Variants in USP43 observed in about 807,000 individuals in gnomAD.
USP43 encodes ubiquitin specific peptidase 43, also known as ubiquitin carboxyl-terminal hydrolase 43.
In USP43, 33 loss-of-function variants were observed where a neutral mutation model predicts 90.7. The observed-to-expected ratio is 0.36, with a 90% CI of 0.28 to 0.49. The LOEUF is 0.49. Among genes scored for constraint, USP43 ranks in the 20% least tolerant of loss-of-function variants. The pLI is 0.98. For missense variants in USP43, 1,274 were observed against 1,476.4 expected (o/e 0.86, Z 2.25); for synonymous variants, 598 against 615.8 (o/e 0.97, Z 0.43).
In USP43 at chr17:9,645,907, G is replaced by A; in HGVS notation, c.275G>A (p.Gly92Asp). ...GPQPQLQLPA[G>D]DGARPPGAQG... ...CAGCCCCAGCTCCAGCTCCCCGCCG[G>A]CGATGGGGCGCGGCCGCCGGGCGCT... Residue 92 changes from glycine to aspartate, a missense_variant, in exon 1 of 15, where the codon GGC becomes GAC. By Grantham distance (94) the Gly-to-Asp change is moderately conservative. This residue lies in a region of USP43 where 259 missense variants were observed against 373.7 expected (regional missense o/e 0.69). Transcript: ENST00000285199. The surrounding 1 kb of genome is among the most constrained non-coding windows in gnomAD (Gnocchi z 6.8). 2 of 1,469,228 alleles carry A rather than the reference G, an allele frequency of 1.4e-6. No homozygotes were observed. Among genetic ancestry groups the A allele is most frequent in the Non-Finnish European group, 1.8e-6 (2 of 1,114,174 alleles). The allele number at this position is 1,469,228 out of a possible 1,614,324, so 91.0% of individuals were successfully genotyped here. A position where few individuals can be genotyped will look rare whatever the true frequency, so the allele number is the denominator to read the frequency against.
intron 14 of USP43, among the ~76,000 whole-genome samples, chr17:9,712,451 G>C (rs1169706002): frequency 6.6e-6 from 1 of 152,174 alleles, no homozygotes; most frequent in African/African-American, 2.4e-5. Context: ...CAGGCCCGGG[G>C]TGGAGGAGGG....
chr17:9,675,060 C>G, intron 4 of USP43, 77 bp downstream of exon 4: 1 of 1,270,560 alleles, frequency 7.9e-7, no homozygotes, highest in Non-Finnish European at 1.1e-6. Flanking sequence ...TGGCCTCACA[C>G]CTGCCATTTT....
At chr17:9,650,311 A>C (rs1446079947) in intron 1 of USP43, among the ~76,000 whole-genome samples, 2 of 152,226 alleles carry the variant, frequency 1.3e-5, no homozygotes, top group Non-Finnish European at 2.9e-5. Context: ...ATATACAGTG[A>C]AATGTACCCA....
intron 12 of USP43, among the ~76,000 whole-genome samples, chr17:9,707,680 T>C (rs1915965014): frequency 6.6e-6 from 1 of 151,916 alleles, no homozygotes; most frequent in Non-Finnish European, 1.5e-5. Flanking sequence ...AATATTTCAT[T>C]TTTTATTTAT....
chr17:9,699,956 T>C (rs543987358), intron 9 of USP43, among the ~76,000 whole-genome samples: 2 of 152,242 alleles, frequency 1.3e-5, no homozygotes, highest in South Asian at 4.1e-4. Context: ...CCCATGGGAA[T>C]GAGGGGAGGC....
At chr17:9,685,185 T>C (rs72820050) in intron 7 of USP43, among the ~76,000 whole-genome samples, 315 of 152,348 alleles carry the variant, frequency 2.1e-3, no homozygotes, top group Non-Finnish European at 3.9e-3. Flanking sequence ...ATTTGTGTTC[T>C]GCTTTAGCCA....
intron 14 of USP43, among the ~76,000 whole-genome samples, chr17:9,722,202 AC>A: frequency 6.6e-6 from 1 of 152,046 alleles, no homozygotes; most frequent in African/African-American, 2.4e-5. Context: ...AATGTTTTCA[AC>A]CTTAAATTCT....
chr17:9,674,897 C>T lies in USP43; in HGVS notation c.747C>T (p.Ser249=), dbSNP rs745682228. 3 of 1,613,974 alleles carry T rather than the reference C, an allele frequency of 1.9e-6. No individual in the cohort carries two copies. In the East Asian group the frequency reaches 6.7e-5, roughly 36 times the overall value. Residue 249 remains serine, a synonymous_variant, in exon 4 of 15, where the codon TCC becomes TCT. Transcript: ENST00000285199. The surrounding 1 kb of genome is among the most constrained non-coding windows in gnomAD (Gnocchi z 4.4). ...CTGTTCTTCACCCTCACAGATCTTC[C>T]TTGACTTGTCCCCACTGCCTGAAAC... is the stretch of plus-strand genomic sequence containing the variant. ...QSHFQAQYRS[S]LTCPHCLKQS... is the part of the protein sequence containing the mutation.
chr17:9,646,098 A>G lies in USP43; in HGVS notation c.466A>G (p.Thr156Ala). Reference sequence around the variant, plus strand: ...GGCGGCGCTGGTGCGCGCGCTCTGGACTCGCGAATACACGCCCCAACTTTC... The same window carrying G: ...GGCGGCGCTGGTGCGCGCGCTCTGGGCTCGCGAATACACGCCCCAACTTTC... Reference protein sequence around the residue: ...QLAALVRALWTREYTPQLSAE... With the variant: ...QLAALVRALWAREYTPQLSAE... The change falls in exon 1 of 15, where the codon ACT (threonine) becomes GCT (alanine). Residue 156 changes from threonine to alanine, a missense_variant. By Grantham distance (58) the Thr-to-Ala change is moderately conservative. Around this residue, in one of 6 missense-constraint regions of USP43, gnomAD observed 259 missense variants for 373.7 expected, o/e 0.69. Transcript: ENST00000285199. The G allele has an allele frequency of 6.7e-7, 1 of 1,499,238 alleles. No individual in the cohort carries two copies. Among genetic ancestry groups the G allele is most frequent in the East Asian group, 2.8e-5 (1 of 35,144 alleles). The allele number at this position is 1,499,238 out of a possible 1,614,324, so 92.9% of individuals were successfully genotyped here.
intron 3 of USP43, among the ~76,000 whole-genome samples, chr17:9,672,137 C>T (rs953115791): frequency 7.9e-5 from 12 of 152,128 alleles, no homozygotes; most frequent in Admixed American, 2.6e-4. Flanking sequence ...GCTGGGATTA[C>T]AGTCACCTGC....
rs1381119906 is a variant in USP43 at position 9,674,750 on chromosome 17, C to T, written c.741-141C>T. On this transcript the variant is annotated intron_variant, in intron 3 of 14. Coordinates refer to ENST00000285199, the MANE Select transcript of USP43 (RefSeq NM_153210.5). The surrounding 1 kb of genome is among the most constrained non-coding windows in gnomAD (Gnocchi z 4.4). ...GAACACTTGTGTACAAGTATTTGAA[C>T]ACCTGTTCTCAATTCTTCTGGGTAT... 1.4e-6 allele frequency: 1 copy of T among 723,650 alleles called. No homozygotes were observed. The highest frequency in any genetic ancestry group is 2.1e-5 in the Admixed American group (1 of 47,080). 44.8% of individuals were successfully genotyped at this position (723,650 alleles called of 1,614,324 possible).
intron 13 of USP43, among the ~76,000 whole-genome samples, chr17:9,711,727 A>G (rs1222457938): frequency 2.6e-5 from 4 of 152,278 alleles, no homozygotes; most frequent in East Asian, 1.9e-4. Flanking sequence ...CACCGCGCCC[A>G]GCCCATGCTT....
rs192915804 is a variant in USP43, at chr17:9,724,853, G to A, written c.2336-3101G>A. Reference sequence around the variant, plus strand: ...TTAAATATTTTTTGAAGGAGTAAGCGGGTAGATGTATGAAGCACGATGGAA... The same window carrying A: ...TTAAATATTTTTTGAAGGAGTAAGCAGGTAGATGTATGAAGCACGATGGAA... On this transcript the variant is annotated intron_variant, in intron 14 of 14. Transcript: ENST00000285199. 2.2e-4 allele frequency among the ~76,000 whole-genome samples: 34 copies of A among 152,164 alleles called. 1 individual carries two copies. The East Asian group carries it at 6.4e-3, about 29-fold the overall frequency.
chr17:9,666,633 C>T lies in USP43; in HGVS notation c.637-15C>T, dbSNP rs765838392. The T allele has an allele frequency of 2.5e-6, 4 of 1,606,068 alleles. No individual in the cohort carries two copies. The highest frequency in any genetic ancestry group is 3.3e-4 in the Middle Eastern group (2 of 6,056). ...GGTGTATCTAATCTGGCTTCCTTTC[C>T]TCATTTCTTTGCAGCTTCCGCCTGA... On this transcript the variant is annotated splice_polypyrimidine_tract_variant and intron_variant, in intron 2 of 14. Coordinates refer to ENST00000285199, the MANE Select transcript of USP43 (RefSeq NM_153210.5).
chr17:9,664,636 ATTT>A (rs371778793), intron 2 of USP43, among the ~76,000 whole-genome samples: 3 of 134,196 alleles, frequency 2.2e-5, no homozygotes, highest in African/African-American at 5.5e-5. Flanking sequence ...CCTTGCATAG[ATTT>A]TTTTTTTTTT....
chr17:9,657,499 C>CA (rs113467408), intron 2 of USP43, among the ~76,000 whole-genome samples: 4,996 of 137,944 alleles, frequency 0.036, 262 homozygotes, highest in African/African-American at 0.12. Context: ...AACTCCGTCT[C>CA]AAAAAAAAAA....
rs193099719 is a variant in USP43 at position 9,708,942 on chromosome 17, G to A, written c.2012-1014G>A. On this transcript the variant is annotated intron_variant, in intron 12 of 14. Coordinates refer to ENST00000285199, the MANE Select transcript of USP43 (RefSeq NM_153210.5). ...ACGCCCGGCCTGTTTTTTTTCCCCC[G>A]TTTATTAATAATCTATGGGTTAAAA... Among the ~76,000 whole-genome samples, 19 of 151,816 alleles carry A rather than the reference G, an allele frequency of 1.3e-4. No homozygotes were observed. The East Asian group carries it at 2.3e-3, about 19-fold the overall frequency.
intron 9 of USP43, among the ~76,000 whole-genome samples, chr17:9,695,563 G>A (rs1161171644): frequency 6.6e-6 from 1 of 152,020 alleles, no homozygotes; most frequent in Non-Finnish European, 1.5e-5. Context: ...TTGATCTCCT[G>A]AGCTCGTGAT....
chr17:9,708,324 A>G (rs1916002865), intron 12 of USP43, among the ~76,000 whole-genome samples: 1 of 152,184 alleles, frequency 6.6e-6, no homozygotes, highest in Non-Finnish European at 1.5e-5. Flanking sequence ...GTACAAATCA[A>G]ACTAGTTGCT....
Sources: gnomAD v4.1 joint callset for allele counts (sites outside exome capture counted in the v4.1 genomes callset) on GRCh38, gnomAD v4.1.1 for gene constraint, gnomAD v4.1.1 regional missense constraint, Gnocchi (gnomAD v3.1) non-coding constraint, MANE v1.5 for transcripts, NCBI Gene and HGNC (gene_info 2026-07-23, HGNC 2026-07-21) for gene names.